The following TANC1 variants were observed in gnomAD, a reference collection of about 807,000 sequenced individuals.
TANC1 encodes protein TANC1.
A neutral mutation model predicts 149.7 loss-of-function variants in TANC1; 77 were observed. The ratio of observed to expected loss-of-function variants is 0.51; its 90% CI spans 0.43 to 0.62. The LOEUF (loss-of-function observed/expected upper bound fraction) is 0.62. Among genes scored for constraint, TANC1 ranks in the 20% least tolerant of loss-of-function variants. The pLI is 0.00. For missense variants in TANC1, 1,985 were observed against 2,321.8 expected, an observed-to-expected ratio of 0.85 and a Z score of 2.98; for synonymous variants, 854 against 925.0, an observed-to-expected ratio of 0.92 and a Z score of 1.39.
At chr2:159,183,459 A>G (rs905611686) in intron 14 of TANC1, among the ~76,000 whole-genome samples, 2 of 152,020 alleles carry the variant, frequency 1.3e-5, no homozygotes, top group African/African-American at 4.8e-5. Context: ...AAAAGATAGC[A>G]CTGGGCTTCC....
At chr2:159,212,164 G>A (rs1047514903) in intron 19 of TANC1, among the ~76,000 whole-genome samples, 1 of 152,236 alleles carries the variant, frequency 6.6e-6, no homozygotes, top group African/African-American at 2.4e-5. Flanking sequence ...ATGCTGTGGT[G>A]GATTGGCTGC....
chr2:159,056,457 G>T (rs961469834), intron 2 of TANC1, among the ~76,000 whole-genome samples: 15 of 151,970 alleles, frequency 9.9e-5, no homozygotes, highest in Non-Finnish European at 2.9e-5. Context: ...GACTACAGGC[G>T]CCCGCCACCA....
intron 2 of TANC1, among the ~76,000 whole-genome samples, chr2:159,039,039 G>A (rs187928969): frequency 6.6e-6 from 1 of 152,126 alleles, no homozygotes; most frequent in Non-Finnish European, 1.5e-5. Flanking sequence ...TCTGTTATTG[G>A]TCTATTCAGG....
intron 19 of TANC1, among the ~76,000 whole-genome samples, chr2:159,205,761 C>G (rs2058561177): frequency 6.6e-6 from 1 of 152,210 alleles, no homozygotes; most frequent in African/African-American, 2.4e-5. Flanking sequence ...TGTGGCCTTT[C>G]TCAGGAAGTA....
chr2:159,182,237 C>T (rs1443705058), intron 14 of TANC1, among the ~76,000 whole-genome samples: 2 of 151,792 alleles, frequency 1.3e-5, no homozygotes, highest in Non-Finnish European at 1.5e-5. Flanking sequence ...TCATTCATAT[C>T]ACCTAGACTT....
intron 14 of TANC1, 30 bp from the exon 15 acceptor site, chr2:159,185,761 T>G: frequency 6.5e-7 from 1 of 1,533,930 alleles, no homozygotes; most frequent in African/African-American, 1.4e-5. Flanking sequence ...TGGGCTCTTC[T>G]GCTGTGAGCC....
In TANC1 at chr2:159,013,632, G is replaced by A. The variant is rs1038132674; in HGVS notation, c.-16+12443G>A. Among the ~76,000 whole-genome samples, 7 of 152,164 alleles carry A rather than the reference G, an allele frequency of 4.6e-5. No individual in the cohort carries two copies. In the East Asian group the frequency reaches 7.7e-4, roughly 17 times the overall value. On this transcript the variant is annotated intron_variant, in intron 2 of 26. Transcript: ENST00000263635. ...CCAATGTGCCTGACACAGTACCGAC[G>A]GTCTATATCCCCAGTTGTAGATTTG...
At chr2:159,103,160 A>G (rs1250754164) in intron 4 of TANC1, among the ~76,000 whole-genome samples, 1 of 96,382 alleles carries the variant, frequency 1.0e-5, no homozygotes, top group African/African-American at 2.9e-5. Context: ...TGGTAATTAC[A>G]CTCACGTTGT....
intron 7 of TANC1, among the ~76,000 whole-genome samples, chr2:159,156,690 A>G (rs1211797046): frequency 6.6e-6 from 1 of 152,012 alleles, no homozygotes; most frequent in Non-Finnish European, 1.5e-5. Flanking sequence ...CACTAATCGA[A>G]CTCTTTTCCA....
At chr2:159,156,518 G>A (rs1456961378) in intron 7 of TANC1, among the ~76,000 whole-genome samples, 1 of 152,128 alleles carries the variant, frequency 6.6e-6, no homozygotes, top group East Asian at 1.9e-4. Context: ...TAAAGATAAG[G>A]CACAGCATCT....
chr2:159,052,659 GA>G lies in TANC1; in HGVS notation c.-15-13232del, dbSNP rs2041559552. ...GGATCTGTGAACTTGAATGGGTGGA[GA>G]AAAACTCAACTGTATTTTCACTAAC... is the stretch of plus-strand genomic sequence containing the variant. On this transcript the variant is annotated intron_variant, in intron 2 of 26. Coordinates refer to ENST00000263635, the MANE Select transcript of TANC1 (RefSeq NM_033394.3). 3.3e-5 allele frequency among the ~76,000 whole-genome samples: 5 copies of G among 152,262 alleles called. No individual in the cohort carries two copies. The South Asian group carries it at 1.0e-3, about 32-fold the overall frequency.
intron 3 of TANC1, among the ~76,000 whole-genome samples, chr2:159,086,504 G>A (rs752739320): frequency 1.3e-5 from 2 of 152,172 alleles, no homozygotes; most frequent in African/African-American, 2.4e-5. Context: ...GGCATAGCTC[G>A]AGGTGCCTGA....
intron 2 of TANC1, among the ~76,000 whole-genome samples, chr2:159,042,472 C>A (rs2040721540): frequency 6.6e-6 from 1 of 152,212 alleles, no homozygotes; most frequent in South Asian, 2.1e-4. Context: ...TGGAATCTTT[C>A]AATGAGCAAG....
At chr2:159,076,490 T>C (rs1483775592) in intron 3 of TANC1, among the ~76,000 whole-genome samples, 1 of 152,198 alleles carries the variant, frequency 6.6e-6, no homozygotes, top group Non-Finnish European at 1.5e-5. Context: ...GATGTCAAAG[T>C]TCCTCCTCTA....
chr2:159,046,272 A>C (rs1375356823), intron 2 of TANC1, among the ~76,000 whole-genome samples: 1 of 152,236 alleles, frequency 6.6e-6, no homozygotes, highest in Admixed American at 6.5e-5. Flanking sequence ...TTTCTGTGAA[A>C]GAAAACCTTG....
chr2:159,054,679 A>G (rs1230814540), intron 2 of TANC1, among the ~76,000 whole-genome samples: 2 of 152,190 alleles, frequency 1.3e-5, no homozygotes, highest in Admixed American at 6.5e-5. Flanking sequence ...TAGGTTTATA[A>G]TACCAAATTT....
At chr2:159,214,517 G>A (rs923377429) in intron 19 of TANC1, among the ~76,000 whole-genome samples, 1 of 152,196 alleles carries the variant, frequency 6.6e-6, no homozygotes, top group Non-Finnish European at 1.5e-5. Flanking sequence ...CACACATGTT[G>A]GTACCAGCAC....
chr2:159,228,820 G>C lies in TANC1; in HGVS notation c.4075G>C (p.Ala1359Pro). 1 of 1,614,152 alleles carries C rather than the reference G, an allele frequency of 6.2e-7. No individual in the cohort carries two copies. The highest frequency in any genetic ancestry group is 1.1e-5 in the South Asian group (1 of 91,080). The change falls in exon 26 of 27, where the codon GCT becomes CCT. Residue 1359 changes from alanine (A) to proline (P), a missense_variant. Coordinates refer to ENST00000263635, the MANE Select transcript of TANC1 (RefSeq NM_033394.3). ...TNDFGMAEEF[A>P]SKALELKPKS... ...GGACTTTGGCATGGCAGAGGAATTT[G>C]CTTCCAAGGCTCTCGAATTGAAGCC...
At chr2:159,072,182 A>G (rs1211716738) in intron 3 of TANC1, among the ~76,000 whole-genome samples, 1 of 152,096 alleles carries the variant, frequency 6.6e-6, no homozygotes, top group Non-Finnish European at 1.5e-5. Flanking sequence ...GGGTTTTGCC[A>G]TGTTGGCCGG....
Sources: allele counts gnomAD v4.1 joint callset (sites outside exome capture counted in the v4.1 genomes callset), GRCh38; gene constraint gnomAD v4.1.1; transcripts MANE v1.5; gene names NCBI Gene and HGNC (gene_info 2026-07-23, HGNC 2026-07-21).